Variants in ATP10B observed in about 807,000 individuals in gnomAD.
ATP10B encodes phospholipid-transporting ATPase VB.
Under a neutral mutation model 141.2 loss-of-function variants are expected in ATP10B, and 122 were observed. The ratio of observed to expected loss-of-function variants is 0.86; its 90% confidence interval spans 0.75 to 1.00. The LOEUF is 1.00. ATP10B is among the 50% of genes least tolerant of loss of function. The probability of loss-of-function intolerance (pLI) is 0.00; values close to 1 mark genes in which losing one functional copy is unlikely to be tolerated. For synonymous variants in ATP10B, 685 were observed against 692.0 expected, an observed-to-expected ratio of 0.99 and a Z score of 0.16; for missense variants, 1,876 against 1,825.3, an observed-to-expected ratio of 1.03 and a Z score of -0.51.
intron 2 of ATP10B, among the ~76,000 whole-genome samples, chr5:160,782,438 TACACACACACACACACACACACAC>T (rs57112303): frequency 5.0e-5 from 7 of 141,078 alleles, no homozygotes; most frequent in Non-Finnish European, 1.1e-4. Flanking sequence ...TCTTCCTCCA[TACACACACACACACACACACACAC>T]ACACACACAC....
chr5:160,685,472 T>G, intron 6 of ATP10B: 1 of 336,300 alleles, frequency 3.0e-6, no homozygotes, highest in Non-Finnish European at 5.3e-6. Flanking sequence ...TGTCTTCCTT[T>G]TCCACCCTGG....
intron 1 of ATP10B, 130 bp from the exon 2 acceptor site, chr5:160,785,933 T>C (rs1771115625): frequency 5.5e-6 from 1 of 180,624 alleles, no homozygotes; most frequent in Admixed American, 6.2e-5. Flanking sequence ...ATAGAGCAAG[T>C]GGAATAGATT....
chr5:160,879,516 C>T, the ATP10B span, among the ~76,000 whole-genome samples: 1 of 145,330 alleles, frequency 6.9e-6, no homozygotes, highest in Non-Finnish European at 1.5e-5. Flanking sequence ...TGCACATGTA[C>T]CCTAAAACTT....
chr5:160,636,051 G>A (rs1258689511), intron 11 of ATP10B, 131 bp downstream of exon 11: 5 of 1,072,326 alleles, frequency 4.7e-6, no homozygotes, highest in South Asian at 2.2e-5. Flanking sequence ...ACAAGAAAGC[G>A]ATGACCATCT....
intron 1 of ATP10B, among the ~76,000 whole-genome samples, chr5:160,822,810 A>G (rs778190025): frequency 2.0e-5 from 3 of 151,570 alleles, no homozygotes; most frequent in East Asian, 1.9e-4. Context: ...GCTAAAAATT[A>G]TAACAAATGA....
intron 1 of ATP10B, among the ~76,000 whole-genome samples, chr5:160,790,411 C>T (rs958729445): frequency 1.3e-5 from 2 of 152,170 alleles, no homozygotes; most frequent in Admixed American, 1.3e-4. Context: ...TCCCAGTTCA[C>T]ATCTACCTGA....
intron 1 of ATP10B, among the ~76,000 whole-genome samples, chr5:160,817,497 G>C (rs941709697): frequency 3.3e-5 from 5 of 152,162 alleles, no homozygotes; most frequent in Non-Finnish European, 1.5e-5. Flanking sequence ...TGAAATAAAA[G>C]AGGATACAAA....
chr5:160,876,559 G>C, the ATP10B span, among the ~76,000 whole-genome samples: 1 of 147,568 alleles, frequency 6.8e-6, no homozygotes, highest in Non-Finnish European at 1.5e-5. Context: ...AGGAAATAGA[G>C]ACACACAAAA....
Position 160,637,033 on chromosome 5 carries a change from C to CATGA in ATP10B, c.1001-725_1001-724insTCAT, listed in dbSNP as rs1174615705. On this transcript the variant is annotated intron_variant, in intron 10 of 25. Transcript: ENST00000327245. ...CCATCCATCTATCCATCCATCCATC[C>CATGA]ATCCATGAATCCATCCATCCATCCA... Among the ~76,000 whole-genome samples, 253 of 117,056 alleles carry CATGA rather than the reference C, an allele frequency of 2.2e-3. 3 individuals are homozygous for CATGA. Among genetic ancestry groups the CATGA allele is most frequent in the African/African-American group, 6.8e-3 (206 of 30,234 alleles). The allele number at this position is 117,056 out of a possible 152,430, so 76.8% of individuals were successfully genotyped here. A position where few individuals can be genotyped will look rare whatever the true frequency, so the allele number is the denominator to read the frequency against.
In ATP10B at chr5:160,660,646, C is replaced by A. The variant is rs556956570; in HGVS notation, c.675+9817G>T. 1.4e-4 allele frequency among the ~76,000 whole-genome samples: 22 copies of A among 152,200 alleles called. 1 individual carries two copies. The East Asian group carries it at 3.9e-3, about 27-fold the overall frequency. ...AGAATATCACTAGTTTTTCAAATTC[C>A]ATTGAAGTCATAGATCTAAACAACC... is the stretch of plus-strand genomic sequence containing the variant. On this transcript the variant is annotated intron_variant, in intron 7 of 25. Transcript: ENST00000327245.
At chr5:160,700,752 T>C (rs1479453361) in intron 3 of ATP10B, among the ~76,000 whole-genome samples, 1 of 152,136 alleles carries the variant, frequency 6.6e-6, no homozygotes, top group Non-Finnish European at 1.5e-5. Flanking sequence ...AAACTTCTAG[T>C]CCCAAAGTAG....
At chr5:160,842,077 G>C (rs1037392963) in intron 1 of ATP10B, among the ~76,000 whole-genome samples, 3 of 152,130 alleles carry the variant, frequency 2.0e-5, no homozygotes, top group African/African-American at 7.2e-5. Context: ...CCACAGGCTA[G>C]CCATAAAGCA....
intron 1 of ATP10B, among the ~76,000 whole-genome samples, chr5:160,831,501 G>A (rs963487432): frequency 1.3e-5 from 2 of 152,046 alleles, no homozygotes; most frequent in Non-Finnish European, 1.5e-5. Context: ...TGAAACAAGA[G>A]AAGAATTTTG....
chr5:160,585,780 C>G (rs1206445299), intron 24 of ATP10B, among the ~76,000 whole-genome samples: 1 of 152,130 alleles, frequency 6.6e-6, no homozygotes, highest in Non-Finnish European at 1.5e-5. Context: ...TGTCCCAGTT[C>G]CCAGAAAGTC....
intron 21 of ATP10B, 81 bp downstream of exon 21, chr5:160,602,496 T>C: frequency 6.3e-7 from 1 of 1,586,668 alleles, no homozygotes; most frequent in Non-Finnish European, 8.6e-7. Context: ...CTGAGGTGCT[T>C]TGCCCACTGC....
At chr5:160,741,350 TC>T (rs1767464221) in intron 2 of ATP10B, among the ~76,000 whole-genome samples, 1 of 152,258 alleles carries the variant, frequency 6.6e-6, no homozygotes. Flanking sequence ...CTCTATGAAG[TC>T]CAAAAGGAGG....
intron 2 of ATP10B, among the ~76,000 whole-genome samples, chr5:160,732,957 C>T (rs528046912): frequency 6.6e-6 from 1 of 152,308 alleles, no homozygotes; most frequent in South Asian, 2.1e-4. Context: ...GATCCTCCTA[C>T]CTCAGCCTCC....
intron 6 of ATP10B, among the ~76,000 whole-genome samples, chr5:160,673,736 G>C (rs1258972351): frequency 1.2e-5 from 1 of 86,062 alleles, no homozygotes; most frequent in African/African-American, 3.3e-5. Flanking sequence ...CATTGTAACA[G>C]TCAAACACCT....
chr5:160,785,104 A>T (rs1406304362), intron 2 of ATP10B, among the ~76,000 whole-genome samples: 1 of 152,102 alleles, frequency 6.6e-6, no homozygotes, highest in Non-Finnish European at 1.5e-5. Flanking sequence ...GATGAAAGAG[A>T]CAACCCACTG....
Sources: allele counts gnomAD v4.1 joint callset (sites outside exome capture counted in the v4.1 genomes callset), GRCh38; gene constraint gnomAD v4.1.1; transcripts MANE v1.5; gene names NCBI Gene and HGNC (gene_info 2026-07-23, HGNC 2026-07-21).